Variants in PCDH15 observed in about 807,000 individuals in gnomAD.
PCDH15 encodes protocadherin-15.
Under a neutral mutation model 178.5 loss-of-function variants are expected in PCDH15, and 129 were observed. The ratio of observed to expected loss-of-function variants is 0.72; its 90% confidence interval spans 0.63 to 0.84. The LOEUF is 0.84. Ranked by LOEUF, PCDH15 falls within the 40% of genes least tolerant of loss-of-function variation. The probability of loss-of-function intolerance (pLI) is 0.00; values close to 1 mark genes in which losing one functional copy is unlikely to be tolerated. For missense variants in PCDH15, 2,230 were observed against 2,099.9 expected (o/e 1.06, Z -1.21); for synonymous variants, 800 against 732.0 (o/e 1.09, Z -1.50).
chr10:54,628,320 C>T (rs757743017), intron 2 of PCDH15, among the ~76,000 whole-genome samples: 10 of 152,208 alleles, frequency 6.6e-5, no homozygotes, highest in South Asian at 4.2e-4. Context: ...AACATATTTC[C>T]TGATTTTTTG....
intron 2 of PCDH15, among the ~76,000 whole-genome samples, chr10:55,589,826 A>G (rs1842804713): frequency 6.6e-6 from 1 of 150,998 alleles, no homozygotes; most frequent in East Asian, 2.0e-4. Context: ...GGTGCTGGAG[A>G]GGATGTGGGG....
At chr10:53,871,905 G>A (rs113888382) in intron 26 of PCDH15, among the ~76,000 whole-genome samples, 3 of 152,006 alleles carry the variant, frequency 2.0e-5, no homozygotes, top group African/African-American at 7.2e-5. Flanking sequence ...AGGCACTTTG[G>A]GAGGCTGAGG....
chr10:54,101,865 C>T (rs752379273), intron 15 of PCDH15, among the ~76,000 whole-genome samples: 1 of 151,994 alleles, frequency 6.6e-6, no homozygotes, highest in South Asian at 2.1e-4. Context: ...GTCTCAGCTA[C>T]TTGGGAGGCT....
intron 2 of PCDH15, among the ~76,000 whole-genome samples, chr10:55,337,441 T>C (rs1422110047): frequency 2.0e-5 from 3 of 152,220 alleles, no homozygotes; most frequent in Non-Finnish European, 4.4e-5. Flanking sequence ...CAAAGCCCCA[T>C]AGATTAAACT....
intron 1 of PCDH15, among the ~76,000 whole-genome samples, chr10:54,673,278 G>A (rs886541876): frequency 6.6e-6 from 1 of 151,742 alleles, no homozygotes; most frequent in Admixed American, 6.6e-5. Flanking sequence ...CTGTGTCCAT[G>A]TGTTTTCATT....
At position 54,982,296 on chromosome 10, in the gene PCDH15, A is replaced by T. The variant is rs962411113; in HGVS notation, c.-79-84796T>A. On this transcript the variant is annotated intron_variant, in intron 2 of 5. Coordinates refer to the PCDH15 transcript ENST00000458638. The stretch of plus-strand genomic sequence containing the variant: ...ATCCTATGGTTAGGGTACTTGAAAA[A>T]CAGTGAAGATAAACTAAACAGTATG... Among the ~76,000 whole-genome samples, 16 of 152,290 alleles carry T rather than the reference A, an allele frequency of 1.1e-4. 1 individual carries two copies. The East Asian group carries it at 3.1e-3, about 29-fold the overall frequency.
intron 2 of PCDH15, among the ~76,000 whole-genome samples, chr10:55,079,479 C>A (rs941590767): frequency 1.3e-5 from 2 of 152,152 alleles, no homozygotes; most frequent in Non-Finnish European, 2.9e-5. Context: ...TCTTTAGCCC[C>A]AGTCATGACA....
chr10:54,088,356 T>G (rs893107918), intron 16 of PCDH15, among the ~76,000 whole-genome samples: 61 of 152,316 alleles, frequency 4.0e-4, no homozygotes, highest in African/African-American at 1.5e-3. Flanking sequence ...TCACATATCC[T>G]TTTTTAAAGA....
At chr10:55,213,013 C>T (rs1287679853) in intron 1 of PCDH15, among the ~76,000 whole-genome samples, 2 of 152,074 alleles carry the variant, frequency 1.3e-5, no homozygotes, top group Non-Finnish European at 2.9e-5. Flanking sequence ...AAGCTAGAAA[C>T]TTTCTTATTC....
intron 2 of PCDH15, among the ~76,000 whole-genome samples, chr10:55,334,240 ATATGTGTGTG>A (rs1228515972): frequency 4.5e-5 from 4 of 88,628 alleles, no homozygotes; most frequent in African/African-American, 2.6e-4. Context: ...ATATATATAT[ATATGTGTGTG>A]TGTGTGTGTG....
At chr10:54,539,194 G>A (rs1292895797) in intron 2 of PCDH15, among the ~76,000 whole-genome samples, 1 of 152,074 alleles carries the variant, frequency 6.6e-6, no homozygotes, top group Non-Finnish European at 1.5e-5. Flanking sequence ...GTGATGGGTT[G>A]GATAAAGTAA....
intron 15 of PCDH15, among the ~76,000 whole-genome samples, chr10:54,127,405 A>G (rs2042074675): frequency 6.6e-6 from 1 of 152,230 alleles, no homozygotes; most frequent in Admixed American, 6.5e-5. Context: ...TCAATCAGGC[A>G]CACACTCACT....
At chr10:54,107,710 C>A (rs2094942162) in intron 15 of PCDH15, among the ~76,000 whole-genome samples, 1 of 152,048 alleles carries the variant, frequency 6.6e-6, no homozygotes, top group Non-Finnish European at 1.5e-5. Context: ...TGATATCAGG[C>A]TATCTGGGCT....
intron 16 of PCDH15, among the ~76,000 whole-genome samples, chr10:54,084,083 CTTTTT>C (rs34480492): frequency 6.7e-6 from 1 of 148,172 alleles, no homozygotes; most frequent in Non-Finnish European, 1.5e-5. Context: ...TTAATGTGCA[CTTTTT>C]TTTTTTTATT....
intron 2 of PCDH15, among the ~76,000 whole-genome samples, chr10:55,021,781 G>T (rs188898992): frequency 7.9e-5 from 12 of 152,086 alleles, no homozygotes; most frequent in Admixed American, 3.9e-4. Flanking sequence ...AGAACATACC[G>T]TCACTTGTGA....
chr10:55,357,845 C>T (rs1477514210), intron 2 of PCDH15, among the ~76,000 whole-genome samples: 1 of 151,924 alleles, frequency 6.6e-6, no homozygotes, highest in Non-Finnish European at 1.5e-5. Context: ...GTTTCTACTG[C>T]CCCCATACAT....
chr10:54,818,631 G>A (rs1013990970), intron 3 of PCDH15, among the ~76,000 whole-genome samples: 5 of 151,990 alleles, frequency 3.3e-5, no homozygotes, highest in Non-Finnish European at 5.9e-5. Flanking sequence ...CAGGCCGACA[G>A]AATAAATGAA....
At chr10:53,814,792 C>T (rs1044170866) in intron 35 of PCDH15, among the ~76,000 whole-genome samples, 18 of 151,880 alleles carry the variant, frequency 1.2e-4, no homozygotes, top group African/African-American at 3.4e-4. Flanking sequence ...GGTGAAACCC[C>T]GTCTCTACTA....
At chr10:54,315,272 A>G (rs1005906049) in intron 8 of PCDH15, among the ~76,000 whole-genome samples, 1 of 152,146 alleles carries the variant, frequency 6.6e-6, no homozygotes, top group Non-Finnish European at 1.5e-5. Context: ...TTTGATTTGC[A>G]TTTCTCTAAC....
Sources: gnomAD v4.1 joint callset for allele counts (sites outside exome capture counted in the v4.1 genomes callset) on GRCh38, gnomAD v4.1.1 for gene constraint, MANE v1.5 for transcripts, NCBI Gene and HGNC (gene_info 2026-07-23, HGNC 2026-07-21) for gene names.